The following PLEKHA5 variants were observed in gnomAD, a reference collection of about 807,000 sequenced individuals.
PLEKHA5 encodes pleckstrin homology domain containing A5.
In PLEKHA5, 55 loss-of-function variants were observed where a neutral mutation model predicts 181.9. The observed-to-expected ratio is 0.30, with a 90% CI of 0.24 to 0.38. PLEKHA5 has a LOEUF of 0.38. Among genes scored for constraint, PLEKHA5 ranks in the 10% least tolerant of loss-of-function variants. PLEKHA5 has a pLI of 1.00. For synonymous variants in PLEKHA5, 535 were observed against 529.4 expected (o/e 1.01, Z -0.15); for missense variants, 1,432 against 1,549.5 (o/e 0.92, Z 1.27).
At chr12:19,364,697 T>G (rs1435084279) in intron 29 of PLEKHA5, among the ~76,000 whole-genome samples, 1 of 151,648 alleles carries the variant, frequency 6.6e-6, no homozygotes, top group Non-Finnish European at 1.5e-5. Flanking sequence ...GATCTCACTC[T>G]GTCGCCCAGG....
chr12:19,268,166 TTAAG>T lies in PLEKHA5; in HGVS notation c.712-1601_712-1598del, dbSNP rs756167920. Reference sequence around the variant, plus strand: ...AACAGTATAAACCAGAGAAACATAATTAAGTATTTTATGATGTTAAAACAAAAGT... The same window carrying T: ...AACAGTATAAACCAGAGAAACATAATTATTTTATGATGTTAAAACAAAAGT... On this transcript the variant is annotated intron_variant, in intron 8 of 31. Transcript: ENST00000429027. Among the ~76,000 whole-genome samples, 9 of 152,144 alleles carry T rather than the reference TTAAG, an allele frequency of 5.9e-5. No homozygotes were observed. In the South Asian group the frequency reaches 1.4e-3, roughly 24 times the overall value.
At chr12:19,288,033 C>T (rs753619644) in intron 13 of PLEKHA5, 113 of 247,062 alleles carry the variant, frequency 4.6e-4, no homozygotes, top group Admixed American at 9.5e-4. Flanking sequence ...AGCCGAGATC[C>T]TGCCATTGCA....
At chr12:19,332,913 C>T (rs2092992350) in intron 20 of PLEKHA5, among the ~76,000 whole-genome samples, 1 of 152,170 alleles carries the variant, frequency 6.6e-6, no homozygotes, top group African/African-American at 2.4e-5. Context: ...ATCTCGGCCT[C>T]CTAAACTGCT....
intron 3 of PLEKHA5, among the ~76,000 whole-genome samples, chr12:19,204,022 CT>C (rs1368737199): frequency 6.6e-6 from 1 of 151,918 alleles, no homozygotes; most frequent in Non-Finnish European, 1.5e-5. Flanking sequence ...TTTTTGCGAC[CT>C]TTTGATAACC....
chr12:19,361,651 G>A lies in PLEKHA5; in HGVS notation c.3553G>A (p.Glu1185Lys). The part of the protein sequence containing the change: ...EPEPNGVNSV[E>K]MMDKERNKDK... ...TGAGCCAAATGGAGTAAATTCTGTG[G>A]AAATGATGGATAAAGAAAGAAACAA... The change falls in exon 29 of 32, where the codon GAA becomes AAA. Residue 1185 changes from glutamate to lysine, a missense_variant. By Grantham distance (56) the Glu-to-Lys change is moderately conservative (BLOSUM62 1). Coordinates refer to ENST00000429027, the MANE Select transcript of PLEKHA5 (RefSeq NM_001256470.2). 1 of 1,585,964 alleles carries A rather than the reference G, an allele frequency of 6.3e-7. No individual in the cohort carries two copies. Among genetic ancestry groups the A allele is most frequent in the Non-Finnish European group, 8.6e-7 (1 of 1,158,024 alleles).
intron 15 of PLEKHA5, among the ~76,000 whole-genome samples, chr12:19,311,417 T>G (rs1402076705): frequency 1.3e-5 from 2 of 149,872 alleles, no homozygotes; most frequent in Non-Finnish European, 3.0e-5. Flanking sequence ...CACTCCAGTC[T>G]GGGCAACAGA....
chr12:19,358,242 T>G lies in PLEKHA5; in HGVS notation c.3153T>G (p.Ser1051Arg), dbSNP rs1482360553. Reference protein sequence around the residue: ...MMDLRTERPRSAVEQLCLAES... With the variant: ...MMDLRTERPRRAVEQLCLAES... ...TTACATTGAAGGAAAGACCAAGAAG[T>G]GCAGTGGAACAGCTCTGTTTGGCTG... The change falls in exon 27 of 32, where the codon AGT (serine) becomes AGG (arginine). Residue 1051 changes from serine (S) to arginine (R), a missense_variant. Physicochemically the swap from Ser to Arg is moderately radical, Grantham distance 110. Coordinates refer to ENST00000429027, the MANE Select transcript of PLEKHA5 (RefSeq NM_001256470.2). 6.2e-7 allele frequency: 1 copy of G among 1,612,696 alleles called. No individual in the cohort carries two copies. The highest frequency in any genetic ancestry group is 8.5e-7 in the Non-Finnish European group (1 of 1,178,800).
intron 23 of PLEKHA5, 22 bp from the exon 24 acceptor site, chr12:19,346,972 G>T: frequency 6.7e-7 from 1 of 1,493,618 alleles, no homozygotes. Context: ...TCTAAATAAG[G>T]TGACTGTTCT....
intron 3 of PLEKHA5, among the ~76,000 whole-genome samples, chr12:19,144,725 G>T (rs1245140384): frequency 1.3e-5 from 2 of 152,176 alleles, no homozygotes; most frequent in Admixed American, 1.3e-4. Flanking sequence ...AAAGCATATT[G>T]TGATAAGCTA....
At chr12:19,166,228 G>A (rs1366000519) in intron 3 of PLEKHA5, among the ~76,000 whole-genome samples, 1 of 151,992 alleles carries the variant, frequency 6.6e-6, no homozygotes, top group African/African-American at 2.4e-5. Context: ...ATTAGAGCAG[G>A]GTTGAAGAAA....
chr12:19,192,033 T>C (rs978163062), intron 3 of PLEKHA5, among the ~76,000 whole-genome samples: 1 of 152,154 alleles, frequency 6.6e-6, no homozygotes, highest in Non-Finnish European at 1.5e-5. Flanking sequence ...AGTCCGTGTA[T>C]AGGCTGGGGA....
At chr12:19,345,978 A>G (rs1299235922) in intron 23 of PLEKHA5, 90 bp downstream of exon 23, 21 of 642,182 alleles carry the variant, frequency 3.3e-5, no homozygotes, top group Non-Finnish European at 1.9e-5. Context: ...CTTAATAACA[A>G]AAATATTTTT....
At chr12:19,250,506 C>T (rs1434315736) in intron 3 of PLEKHA5, among the ~76,000 whole-genome samples, 1 of 152,112 alleles carries the variant, frequency 6.6e-6, no homozygotes, top group African/African-American at 2.4e-5. Context: ...TCGCTTGAAC[C>T]TGGGAGGCGG....
Position 19,209,236 on chromosome 12 carries a change from A to C in PLEKHA5, c.228-44704A>C, listed in dbSNP as rs201457252. On this transcript the variant is annotated intron_variant, in intron 3 of 31. Transcript: ENST00000429027. ...TAAAGCTTGGGTGGAAGGATGGTGA[A>C]ATCATTGATGATTCACAAAAAGTTT... Among the ~76,000 whole-genome samples, 16 of 152,264 alleles carry C rather than the reference A, an allele frequency of 1.1e-4. No individual in the cohort carries two copies. In the East Asian group the frequency reaches 1.5e-3, roughly 15 times the overall value.
chr12:19,308,147 A>G (rs528558244), intron 15 of PLEKHA5, among the ~76,000 whole-genome samples: 2 of 151,808 alleles, frequency 1.3e-5, no homozygotes, highest in Non-Finnish European at 3.0e-5. Flanking sequence ...TAAAACAAAG[A>G]AACGTTCTGT....
intron 16 of PLEKHA5, among the ~76,000 whole-genome samples, chr12:19,315,929 G>A (rs1277918551): frequency 6.6e-6 from 1 of 151,828 alleles, no homozygotes; most frequent in African/African-American, 2.4e-5. Context: ...ATTATTAGAT[G>A]ACTGAAAATA....
At chr12:19,264,185 G>A (rs1421532679) in intron 7 of PLEKHA5, among the ~76,000 whole-genome samples, 3 of 151,962 alleles carry the variant, frequency 2.0e-5, no homozygotes, top group Non-Finnish European at 2.9e-5. Flanking sequence ...AATCTTTTGA[G>A]GTAAGTCCTA....
At chr12:19,344,604 A>T (rs772298462) in intron 22 of PLEKHA5, among the ~76,000 whole-genome samples, 2 of 152,232 alleles carry the variant, frequency 1.3e-5, no homozygotes, top group Non-Finnish European at 2.9e-5. Context: ...GGATTTTAAA[A>T]GGTGAGAAAT....
intron 3 of PLEKHA5, among the ~76,000 whole-genome samples, chr12:19,144,945 A>T (rs2038499567): frequency 6.6e-6 from 1 of 152,220 alleles, no homozygotes; most frequent in Non-Finnish European, 1.5e-5. Context: ...TTTCACATTG[A>T]CAGTTAATAC....
Sources: gnomAD v4.1 joint callset for allele counts (sites outside exome capture counted in the v4.1 genomes callset) on GRCh38, gnomAD v4.1.1 for gene constraint, MANE v1.5 for transcripts, NCBI Gene and HGNC (gene_info 2026-07-23, HGNC 2026-07-21) for gene names.